The following PEF1 variants were observed in gnomAD, a reference collection of about 807,000 sequenced individuals.
PEF1 encodes peflin.
PEF1 carries 17 observed loss-of-function variants against 32.0 expected under a neutral mutation model. The observed-to-expected ratio is 0.53, with a 90% CI of 0.36 to 0.80. PEF1 has a LOEUF of 0.80. Ranked by LOEUF, PEF1 falls within the 30% of genes least tolerant of loss-of-function variation. The probability of loss-of-function intolerance (pLI) is 0.00; values close to 1 mark genes in which losing one functional copy is unlikely to be tolerated. For missense variants in PEF1, 362 were observed against 369.1 expected, an observed-to-expected ratio of 0.98 and a Z score of 0.16; for synonymous variants, 130 against 139.8, an observed-to-expected ratio of 0.93 and a Z score of 0.50.
At position 31,635,219 on chromosome 1, in the gene PEF1, T is replaced by C. The variant is rs371434740; in HGVS notation, c.325+3A>G. On this transcript the variant is annotated splice_donor_region_variant and intron_variant, in intron 2 of 4. Coordinates refer to ENST00000373703, the MANE Select transcript of PEF1 (RefSeq NM_012392.4). ...GTACCCGGAGTCCAAGATTACTACT[T>C]ACCCTGTCCATAAAGCCCAGGCTGC... 7.4e-6 allele frequency: 12 copies of C among 1,613,682 alleles called. No homozygotes were observed. The highest frequency in any genetic ancestry group is 1.3e-5 in the African/African-American group (1 of 74,908).
At chr1:31,636,005 T>C (rs1476821728) in intron 1 of PEF1, among the ~76,000 whole-genome samples, 1 of 152,174 alleles carries the variant, frequency 6.6e-6, no homozygotes, top group Non-Finnish European at 1.5e-5. Flanking sequence ...ACAAATGACA[T>C]AGCTATAGCA....
chr1:31,637,643 C>CAAAAA (rs11291039), intron 1 of PEF1, among the ~76,000 whole-genome samples: 13 of 58,538 alleles, frequency 2.2e-4, no homozygotes, highest in Non-Finnish European at 3.7e-4. Flanking sequence ...ACCCTGTCTC[C>CAAAAA]AAAAAAAAAA....
chr1:31,644,250 C>T (rs1398642943), intron 1 of PEF1: 2 of 407,526 alleles, frequency 4.9e-6, no homozygotes, highest in African/African-American at 4.4e-5. Flanking sequence ...TGAAGATAGC[C>T]CGGGTTCTGA....
In PEF1 at chr1:31,644,516, GC is replaced by G. The variant is rs1414887286; in HGVS notation, c.24+324del. The G allele has an allele frequency of 9.8e-6, 13 of 1,327,574 alleles. No homozygotes were observed. In the East Asian group the frequency reaches 4.0e-4, roughly 41 times the overall value. The allele number at this position is 1,327,574 out of a possible 1,614,324, so 82.2% of individuals were successfully genotyped here. The stretch of plus-strand genomic sequence containing the variant: ...CTCTAAACCTCCGGTCATGGCTGAT[GC>G]CCCCGCCCAAGGCCCCCATGAGGGC... On this transcript the variant is annotated intron_variant, in intron 1 of 4. Coordinates refer to ENST00000373703, the MANE Select transcript of PEF1 (RefSeq NM_012392.4).
At chr1:31,642,634 A>G (rs966295845) in intron 1 of PEF1, among the ~76,000 whole-genome samples, 5 of 151,272 alleles carry the variant, frequency 3.3e-5, no homozygotes, top group African/African-American at 9.7e-5. Flanking sequence ...GTATGGTAGG[A>G]AAAAAAAACA....
rs1423257928 is a variant in PEF1 at position 31,630,327 on chromosome 1, C to G, written c.*286G>C. 4 of 447,964 alleles carry G rather than the reference C, an allele frequency of 8.9e-6. No homozygotes were observed. The highest frequency in any genetic ancestry group is 1.7e-5 in the Non-Finnish European group (4 of 241,448). The allele number at this position is 447,964 out of a possible 1,614,324, so 27.7% of individuals were successfully genotyped here. On this transcript the variant is annotated 3_prime_UTR_variant, in exon 5 of 5. Transcript: ENST00000373703. ...TGGACACTAACTCCATTACAAGGAC[C>G]TGCTCCTGGTGCCAGGCTGTGCCAC...
At chr1:31,639,281 C>G (rs929119436) in intron 1 of PEF1, among the ~76,000 whole-genome samples, 1 of 152,194 alleles carries the variant, frequency 6.6e-6, no homozygotes, top group Non-Finnish European at 1.5e-5. Context: ...TCTATACACT[C>G]GTTGACCAAG....
intron 4 of PEF1, among the ~76,000 whole-genome samples, chr1:31,631,664 A>G (rs541314939): frequency 6.6e-6 from 1 of 152,348 alleles, no homozygotes; most frequent in East Asian, 1.9e-4. Flanking sequence ...GAATTACATA[A>G]GCCTATTAAA....
At chr1:31,641,703 C>T (rs1274510853) in intron 1 of PEF1, among the ~76,000 whole-genome samples, 1 of 152,206 alleles carries the variant, frequency 6.6e-6, no homozygotes, top group African/African-American at 2.4e-5. Flanking sequence ...TAAATATCAC[C>T]TCTTTTAAAA....
intron 1 of PEF1, among the ~76,000 whole-genome samples, chr1:31,639,838 G>A (rs1231435596): frequency 6.6e-6 from 1 of 152,224 alleles, no homozygotes; most frequent in Non-Finnish European, 1.5e-5. Flanking sequence ...AGCCAACTGA[G>A]ACAGAATGCA....
intron 1 of PEF1, among the ~76,000 whole-genome samples, chr1:31,637,909 A>T (rs1640299922): frequency 6.6e-6 from 1 of 152,200 alleles, no homozygotes; most frequent in Non-Finnish European, 1.5e-5. Flanking sequence ...AGTAAGTCAT[A>T]GCTGCTATTG....
In PEF1 at chr1:31,635,230, T is replaced by A; in HGVS notation, c.317A>T (p.Tyr106Phe). Residue 106 changes from tyrosine (Y) to phenylalanine (F), a missense_variant, in exon 2 of 5, where the codon TAT (tyrosine) becomes TTT (phenylalanine). Physicochemically the swap from Tyr to Phe is conservative, Grantham distance 22 (BLOSUM62 3). Coordinates refer to ENST00000373703, the MANE Select transcript of PEF1 (RefSeq NM_012392.4). ...SSYGAQQPGL[Y>F]GQGGAPPNVD... ...CCAAGATTACTACTTACCCTGTCCA[T>A]AAAGCCCAGGCTGCTGGGCACCGTA... 1.2e-6 allele frequency: 2 copies of A among 1,613,968 alleles called. No individual in the cohort carries two copies. The highest frequency in any genetic ancestry group is 1.1e-5 in the South Asian group (1 of 91,074).
intron 2 of PEF1, among the ~76,000 whole-genome samples, chr1:31,634,341 C>A (rs1165494202): frequency 3.3e-5 from 5 of 152,220 alleles, no homozygotes; most frequent in African/African-American, 1.2e-4. Context: ...AACCCTGGAT[C>A]TGATCCTTAC....
intron 1 of PEF1, chr1:31,644,306 G>A (rs1250087963): frequency 1.7e-5 from 16 of 937,338 alleles, no homozygotes; most frequent in Non-Finnish European, 2.0e-5. Context: ...GGTAAGTTCT[G>A]TGTCTTCTCG....
Position 31,630,831 on chromosome 1 carries a change from T to C in PEF1, c.637A>G (p.Met213Val). Residue 213 changes from methionine to valine, a missense_variant, in exon 5 of 5, where the codon ATG (methionine) becomes GTG (valine). Physicochemically the swap from Met to Val is conservative, Grantham distance 21. Transcript: ENST00000373703. The part of the protein sequence containing the change: ...YTELQQALSQ[M>V]GYNLSPQFTQ... ...AACTGGGGGCTCAGGTTGTAGCCCA[T>C]TTGGGACAGAGCTGGAGAAGAGGGG... 2 of 1,609,140 alleles carry C rather than the reference T, an allele frequency of 1.2e-6. No individual in the cohort carries two copies. The highest frequency in any genetic ancestry group is 1.7e-6 in the Non-Finnish European group (2 of 1,179,606).
chr1:31,644,647 C>T, intron 1 of PEF1, 194 bp downstream of exon 1: 1 of 1,442,552 alleles, frequency 6.9e-7, no homozygotes, highest in Non-Finnish European at 9.1e-7. Flanking sequence ...CACGACCTCG[C>T]GAATGTGCGG....
chr1:31,630,627 A>C lies in PEF1; in HGVS notation c.841T>G (p.Ser281Ala). ...SFEDFVTMTA[S>A]RML Reference sequence around the variant, plus strand: ...AGATGGTTGGGTCATAGCATCCGAGAAGCTGTCATGGTGACGAAGTCCTCG... The same window carrying C: ...AGATGGTTGGGTCATAGCATCCGAGCAGCTGTCATGGTGACGAAGTCCTCG... The change falls in exon 5 of 5, where the codon TCT becomes GCT. Residue 281 changes from serine to alanine, a missense_variant. Transcript: ENST00000373703. 1 of 1,612,400 alleles carries C rather than the reference A, an allele frequency of 6.2e-7. No homozygotes were observed. The highest frequency in any genetic ancestry group is 8.5e-7 in the Non-Finnish European group (1 of 1,180,026).
In PEF1 at chr1:31,644,865, G is replaced by A; in HGVS notation, c.-1C>T. The A allele has an allele frequency of 1.2e-6, 2 of 1,613,806 alleles. No individual in the cohort carries two copies. Among genetic ancestry groups the A allele is most frequent in the Non-Finnish European group, 1.7e-6 (2 of 1,179,848 alleles). ...CCTGCCGGTAAGGATAGCTGGCCAT[G>A]GTGATTCTGACGTCACACTCAGGCA... is the stretch of plus-strand genomic sequence containing the variant. On this transcript the variant is annotated 5_prime_UTR_variant, in exon 1 of 5. Transcript: ENST00000373703.
intron 1 of PEF1, chr1:31,644,599 C>A: frequency 7.0e-7 from 1 of 1,437,170 alleles, no homozygotes; most frequent in Non-Finnish European, 9.1e-7. Context: ...GGTCCAAGGT[C>A]CCCAAATCCT....
Sources: allele counts gnomAD v4.1 joint callset (sites outside exome capture counted in the v4.1 genomes callset), GRCh38; gene constraint gnomAD v4.1.1; transcripts MANE v1.5; gene names NCBI Gene and HGNC (gene_info 2026-07-23, HGNC 2026-07-21).